GADL1: variants seen among roughly 807,000 people sequenced by gnomAD.
GADL1 encodes acidic amino acid decarboxylase GADL1.
In GADL1, 71 loss-of-function variants were observed where a neutral mutation model predicts 69.5. The observed-to-expected ratio is 1.02, with a 90% confidence interval of 0.84 to 1.25. The LOEUF is 1.25. Among genes scored for constraint, GADL1 ranks in the 50% most tolerant of loss-of-function variants. The pLI, the probability that GADL1 is intolerant of heterozygous loss-of-function variation, is 0.00. For missense variants in GADL1, 737 were observed against 631.8 expected (o/e 1.17, Z -1.79); for synonymous variants, 254 against 214.4 (o/e 1.18, Z -1.62).
At chr3:30,772,061 C>T (rs565381576) in intron 14 of GADL1, among the ~76,000 whole-genome samples, 1 of 152,306 alleles carries the variant, frequency 6.6e-6, no homozygotes, top group African/African-American at 2.4e-5. Context: ...TATGCAGTCT[C>T]ATCTTCAAGT....
chr3:30,793,143 G>A lies in GADL1; in HGVS notation c.1251-6737C>T, dbSNP rs555964209. On this transcript the variant is annotated intron_variant, in intron 12 of 14. Transcript: ENST00000282538. ...TTAACCATGGAACTATTTTTTGAGG[G>A]ATGATCTATTAAGATCTCTTGGAAG... 1.9e-3 allele frequency among the ~76,000 whole-genome samples: 285 copies of A among 152,200 alleles called. 2 individuals are homozygous for A. The highest frequency in any genetic ancestry group is 6.6e-3 in the African/African-American group (272 of 41,522).
At chr3:30,795,776 T>G (rs893249167) in intron 12 of GADL1, among the ~76,000 whole-genome samples, 8 of 152,178 alleles carry the variant, frequency 5.3e-5, no homozygotes, top group Non-Finnish European at 8.8e-5. Context: ...CAAAGTACTC[T>G]GCCCTTTTCC....
chr3:30,885,639 AT>A (rs1477937314), intron 1 of GADL1, among the ~76,000 whole-genome samples: 12 of 152,244 alleles, frequency 7.9e-5, no homozygotes, highest in African/African-American at 2.9e-4. Flanking sequence ...CCAGTTTCAT[AT>A]GTATAAATGG....
chr3:30,763,949 A>T (rs1295989797), intron 14 of GADL1, among the ~76,000 whole-genome samples: 2 of 152,248 alleles, frequency 1.3e-5, no homozygotes, highest in African/African-American at 2.4e-5. Context: ...AAAGGAAAAA[A>T]TCTTCCCATT....
In GADL1 at chr3:30,873,192, T is replaced by A. The variant is rs189934574; in HGVS notation, c.38-11427A>T. 1.1e-3 allele frequency among the ~76,000 whole-genome samples: 166 copies of A among 152,052 alleles called. 1 individual carries two copies. The highest frequency in any genetic ancestry group is 2.0e-3 in the Non-Finnish European group (136 of 67,920). Reference sequence around the variant, plus strand: ...GTGTGGCATAAATGAAACAAAAATATAATTGCACTTATAAAATAATAATGG... The same window carrying A: ...GTGTGGCATAAATGAAACAAAAATAAAATTGCACTTATAAAATAATAATGG... On this transcript the variant is annotated intron_variant, in intron 1 of 14. Transcript: ENST00000282538.
At chr3:30,807,996 CACT>C (rs1697285492) in intron 11 of GADL1, among the ~76,000 whole-genome samples, 4 of 152,124 alleles carry the variant, frequency 2.6e-5, no homozygotes, top group Non-Finnish European at 4.4e-5. Flanking sequence ...TGTGCCACTG[CACT>C]CCAGCCTGGG....
rs538659816 is a variant in GADL1 at position 30,749,543 on chromosome 3, G to C, written c.1393-21128C>G. 1.9e-3 allele frequency among the ~76,000 whole-genome samples: 282 copies of C among 152,338 alleles called. 1 individual carries two copies. Among genetic ancestry groups the C allele is most frequent in the African/African-American group, 6.3e-3 (263 of 41,576 alleles). ...CTTAGGACATTTCTTCAAGAAGCCA[G>C]CACTTTAGACTAATGGGACCTACTT... On this transcript the variant is annotated intron_variant, in intron 14 of 14. Transcript: ENST00000282538.
At chr3:30,819,732 GAA>G (rs1329775466) in intron 11 of GADL1, among the ~76,000 whole-genome samples, 7 of 151,686 alleles carry the variant, frequency 4.6e-5, no homozygotes, top group Admixed American at 4.6e-4. Flanking sequence ...AAAGTAATTG[GAA>G]AAAATTTTAA....
chr3:30,730,507 A>G (rs1359770293), intron 14 of GADL1, among the ~76,000 whole-genome samples: 1 of 152,158 alleles, frequency 6.6e-6, no homozygotes, highest in African/African-American at 2.4e-5. Flanking sequence ...TGCATAAGAC[A>G]GATGATTCCT....
At chr3:30,836,970 TG>T (rs1302041373) in intron 9 of GADL1, among the ~76,000 whole-genome samples, 2 of 152,264 alleles carry the variant, frequency 1.3e-5, no homozygotes, top group Non-Finnish European at 1.5e-5. Flanking sequence ...CAGTATCAAA[TG>T]TAAGCACCCC....
At chr3:30,752,426 T>C (rs1575184491) in intron 14 of GADL1, among the ~76,000 whole-genome samples, 1 of 150,820 alleles carries the variant, frequency 6.6e-6, no homozygotes, top group Admixed American at 6.6e-5. Flanking sequence ...GGAGTAACAA[T>C]GGAGTCTGTG....
rs573134848 is a variant in GADL1 at position 30,844,869 on chromosome 3, T to C, written c.652-403A>G. 1.1e-4 allele frequency among the ~76,000 whole-genome samples: 16 copies of C among 152,298 alleles called. No homozygotes were observed. In the South Asian group the frequency reaches 2.9e-3, roughly 28 times the overall value. On this transcript the variant is annotated intron_variant, in intron 6 of 14. Coordinates refer to ENST00000282538, the MANE Select transcript of GADL1 (RefSeq NM_207359.3). Reference sequence around the variant, plus strand: ...AAACTAGGACACCGGAGGCTGTTGTTTTCCATCCCATTGAGAAAAGTAAAG... The same window carrying C: ...AAACTAGGACACCGGAGGCTGTTGTCTTCCATCCCATTGAGAAAAGTAAAG...
intron 14 of GADL1, among the ~76,000 whole-genome samples, chr3:30,757,759 C>T (rs1299503472): frequency 6.7e-6 from 1 of 149,680 alleles, no homozygotes. Flanking sequence ...AAATGTAGTC[C>T]CCTCCCCTGT....
rs79550320 is a variant in GADL1, at chr3:30,759,370, A to G, written c.1392+18809T>C. 1.8e-3 allele frequency among the ~76,000 whole-genome samples: 276 copies of G among 152,310 alleles called. 2 individuals carry two copies. The highest frequency in any genetic ancestry group is 0.016 in the Admixed American group (242 of 15,304). On this transcript the variant is annotated intron_variant, in intron 14 of 14. Coordinates refer to ENST00000282538, the MANE Select transcript of GADL1 (RefSeq NM_207359.3). ...CTCTTGCCCTTCTTTCTGTACCTCC[A>G]GTACTTGTTCCTGCTCATAATTCTT... is the stretch of plus-strand genomic sequence containing the variant.
intron 9 of GADL1, among the ~76,000 whole-genome samples, chr3:30,835,871 C>G (rs1281670725): frequency 1.3e-5 from 2 of 152,012 alleles, no homozygotes; most frequent in Admixed American, 1.3e-4. Context: ...CATTTCCTCC[C>G]TTACTTGGAT....
At chr3:30,810,251 C>T (rs576387694) in intron 11 of GADL1, among the ~76,000 whole-genome samples, 319 of 152,264 alleles carry the variant, frequency 2.1e-3, no homozygotes, top group Admixed American at 3.7e-3. Context: ...AGGTTTCCCA[C>T]GAAATGTGAT....
intron 11 of GADL1, among the ~76,000 whole-genome samples, chr3:30,807,228 GTTC>G (rs773209408): frequency 2.6e-5 from 4 of 152,114 alleles, no homozygotes; most frequent in Non-Finnish European, 4.4e-5. Flanking sequence ...GTCACTGCCT[GTTC>G]TTCCTTTGGT....
chr3:30,731,570 G>A (rs951496464), intron 14 of GADL1, among the ~76,000 whole-genome samples: 2 of 152,180 alleles, frequency 1.3e-5, no homozygotes, highest in African/African-American at 2.4e-5. Flanking sequence ...AAGATACTTT[G>A]GATGTTTAAA....
At chr3:30,863,221 A>G (rs999336914) in intron 1 of GADL1, among the ~76,000 whole-genome samples, 1 of 152,004 alleles carries the variant, frequency 6.6e-6, no homozygotes, top group Admixed American at 6.6e-5. Context: ...TCTATATTAC[A>G]GATACTGCTT....
Sources: allele counts gnomAD v4.1 joint callset (sites outside exome capture counted in the v4.1 genomes callset), GRCh38; gene constraint gnomAD v4.1.1; transcripts MANE v1.5; gene names NCBI Gene and HGNC (gene_info 2026-07-23, HGNC 2026-07-21).